The following SMARCAL1 variants were observed in gnomAD, a reference collection of about 807,000 sequenced individuals.
The protein encoded by SMARCAL1 is SNF2 related chromatin remodeling annealing helicase 1.
A neutral mutation model predicts 94.5 loss-of-function variants in SMARCAL1; 58 were observed. The observed-to-expected ratio is 0.61, with a 90% CI of 0.50 to 0.76. SMARCAL1 has a LOEUF of 0.76. Ranked by LOEUF, SMARCAL1 falls within the 30% of genes least tolerant of loss-of-function variation. SMARCAL1 has a pLI of 0.00. For missense variants in SMARCAL1, 1,051 were observed against 1,177.9 expected (o/e 0.89, Z 1.58); for synonymous variants, 422 against 455.1 (o/e 0.93, Z 0.93).
chr2:216,431,084 C>T (rs766022173), intron 7 of SMARCAL1, among the ~76,000 whole-genome samples: 9 of 152,368 alleles, frequency 5.9e-5, no homozygotes, highest in African/African-American at 1.2e-4. Context: ...GGCAGGCCCC[C>T]GCCCAGGCTG....
intron 14 of SMARCAL1, among the ~76,000 whole-genome samples, chr2:216,474,128 CTTTTTTTTTTTTT>C (rs1182416023): frequency 3.6e-3 from 231 of 64,934 alleles, no homozygotes; most frequent in African/African-American, 0.013. Context: ...GTATAGCATT[CTTTTTTTTTTTTT>C]TTTTTTTTTT....
Position 216,475,357 on chromosome 2 carries a change from C to G in SMARCAL1, c.2333C>G (p.Ala778Gly). 1 of 1,614,232 alleles carries G rather than the reference C, an allele frequency of 6.2e-7. No homozygotes were observed. The highest frequency in any genetic ancestry group is 1.7e-5 in the Admixed American group (1 of 60,028). ...CQQFQLSERH[A>G]VAVLSITAAN... ...CAGTTCCAACTGTCGGAGAGGCATG[C>G]TGTGGCCGTGCTGTCCATCACCGCT... Residue 778 changes from alanine (A) to glycine (G), a missense_variant, in exon 15 of 18, where the codon GCT becomes GGT. By Grantham distance (60) the Ala-to-Gly change is moderately conservative (BLOSUM62 0). Transcript: ENST00000357276. This position sits in a 1 kb window ranked among gnomAD's most constrained non-coding sequence, Gnocchi z 4.4.
Position 216,475,391 on chromosome 2 carries a change from G to C in SMARCAL1, c.2367G>C (p.Met789Ile). 6.2e-7 allele frequency: 1 copy of C among 1,614,198 alleles called. No individual in the cohort carries two copies. Among genetic ancestry groups the C allele is most frequent in the Non-Finnish European group, 8.5e-7 (1 of 1,180,038 alleles). ...VAVLSITAAN[M>I]GLTFSSADLV... ...TGCTGTCCATCACCGCTGCCAATAT[G>C]GGCCTCACCTTCTCCTCGGCTGACC... Residue 789 changes from methionine to isoleucine, a missense_variant, in exon 15 of 18, where the codon ATG becomes ATC. Physicochemically the swap from Met to Ile is conservative, Grantham distance 10 (BLOSUM62 1). Coordinates refer to ENST00000357276, the MANE Select transcript of SMARCAL1 (RefSeq NM_014140.4). The surrounding 1 kb of genome is among the most constrained non-coding windows in gnomAD (Gnocchi z 4.4).
At chr2:216,455,673 G>T (rs1291795088) in intron 12 of SMARCAL1, among the ~76,000 whole-genome samples, 2 of 152,180 alleles carry the variant, frequency 1.3e-5, no homozygotes, top group East Asian at 3.8e-4. Flanking sequence ...CAAACAGAAA[G>T]GACGTGCACA....
chr2:216,482,613 G>A lies in SMARCAL1; in HGVS notation c.2626-125G>A. 1 of 1,363,616 alleles carries A rather than the reference G, an allele frequency of 7.3e-7. No individual in the cohort carries two copies. The highest frequency in any genetic ancestry group is 1.0e-6 in the Non-Finnish European group (1 of 958,676). The allele number at this position is 1,363,616 out of a possible 1,614,324, so 84.5% of individuals were successfully genotyped here. On this transcript the variant is annotated intron_variant, in intron 17 of 17. Coordinates refer to ENST00000357276, the MANE Select transcript of SMARCAL1 (RefSeq NM_014140.4). The surrounding 1 kb of genome is among the most constrained non-coding windows in gnomAD (Gnocchi z 4.3). Reference sequence around the variant, plus strand: ...GATGATGCACACTTGCCATCGTGTAGCTCCCTGACACCATGAAATGTGTGG... The same window carrying A: ...GATGATGCACACTTGCCATCGTGTAACTCCCTGACACCATGAAATGTGTGG...
At chr2:216,466,765 T>G (rs1295660828) in intron 13 of SMARCAL1, among the ~76,000 whole-genome samples, 1 of 152,196 alleles carries the variant, frequency 6.6e-6, no homozygotes, top group Non-Finnish European at 1.5e-5. Flanking sequence ...GCCGTAAACT[T>G]TTTTGCTTAT....
chr2:216,450,805 A>G (rs1351772590), intron 11 of SMARCAL1, 41 bp from the exon 12 acceptor site: 1 of 1,551,738 alleles, frequency 6.4e-7, no homozygotes, highest in African/African-American at 1.4e-5. Context: ...ACTGGGCCTG[A>G]AAGGAGCCTC....
In SMARCAL1 at chr2:216,445,394, C is replaced by T. The variant is rs76733531; in HGVS notation, c.1711-1624C>T. 5.0e-4 allele frequency among the ~76,000 whole-genome samples: 76 copies of T among 152,246 alleles called. No homozygotes were observed. The East Asian group carries it at 8.3e-3, about 17-fold the overall frequency. ...GATGCCCACAAACACCCATTGGCAA[C>T]GCTCCCATCACTCTCTAGTCTAGGG... On this transcript the variant is annotated intron_variant, in intron 10 of 17. Coordinates refer to ENST00000357276, the MANE Select transcript of SMARCAL1 (RefSeq NM_014140.4).
intron 11 of SMARCAL1, among the ~76,000 whole-genome samples, chr2:216,450,057 C>T (rs1204292541): frequency 3.3e-5 from 5 of 152,136 alleles, no homozygotes; most frequent in Non-Finnish European, 7.3e-5. Flanking sequence ...AACTCCTGAC[C>T]TCAACTGGTC....
chr2:216,429,239 G>A (rs904505866), intron 7 of SMARCAL1, among the ~76,000 whole-genome samples: 1 of 152,208 alleles, frequency 6.6e-6, no homozygotes, highest in Non-Finnish European at 1.5e-5. Flanking sequence ...TTCTAATGGG[G>A]CTAACACTGC....
chr2:216,461,531 T>C (rs1055954185), intron 12 of SMARCAL1, among the ~76,000 whole-genome samples: 1 of 152,124 alleles, frequency 6.6e-6, no homozygotes, highest in Non-Finnish European at 1.5e-5. Flanking sequence ...AATATTCTCT[T>C]AAAACATAAT....
chr2:216,433,976 T>C (rs1694019292), intron 8 of SMARCAL1, among the ~76,000 whole-genome samples: 2 of 150,660 alleles, frequency 1.3e-5, no homozygotes, highest in South Asian at 2.1e-4. Flanking sequence ...GTCCTGGTGA[T>C]CTGAGTTCTT....
intron 5 of SMARCAL1, among the ~76,000 whole-genome samples, chr2:216,422,184 C>A (rs1007244671): frequency 2.0e-5 from 3 of 152,120 alleles, no homozygotes; most frequent in African/African-American, 7.2e-5. Flanking sequence ...GAGTTCGAGA[C>A]CAGCCTGGCC....
intron 9 of SMARCAL1, 138 bp from the exon 10 acceptor site, chr2:216,438,282 G>A (rs1228541722): frequency 6.7e-6 from 5 of 750,890 alleles, no homozygotes; most frequent in Non-Finnish European, 9.4e-6. Flanking sequence ...TAGGCCCAGT[G>A]AGCCATCTCC....
chr2:216,413,366 A>G (rs1032640851), intron 1 of SMARCAL1, among the ~76,000 whole-genome samples: 7 of 152,238 alleles, frequency 4.6e-5, no homozygotes, highest in Non-Finnish European at 1.0e-4. Context: ...AAAATATTGT[A>G]AACATGTCTC....
chr2:216,477,053 G>A (rs1334390369), intron 15 of SMARCAL1, 56 bp from the exon 16 acceptor site: 1 of 1,395,206 alleles, frequency 7.2e-7, no homozygotes, highest in Non-Finnish European at 9.9e-7. Flanking sequence ...TACCTGCTAT[G>A]GTGGATGGAA....
Position 216,438,595 on chromosome 2 carries a change from C to T in SMARCAL1, c.1710+110C>T, listed in dbSNP as rs1694129930. 5.6e-6 allele frequency: 5 copies of T among 894,586 alleles called. No individual in the cohort carries two copies. In the South Asian group the frequency reaches 7.0e-5, roughly 13 times the overall value. The allele number at this position is 894,586 out of a possible 1,614,324, so 55.4% of individuals were successfully genotyped here. A position where few individuals can be genotyped will look rare whatever the true frequency, so the allele number is the denominator to read the frequency against. On this transcript the variant is annotated intron_variant, in intron 10 of 17. Transcript: ENST00000357276. ...GGGGTTGCAAGTATAGACCTGTGGG[C>T]CATGGTCATGACTTGGCATTGACTT... is the stretch of plus-strand genomic sequence containing the variant.
At chr2:216,425,623 G>A (rs183619189) in intron 6 of SMARCAL1, among the ~76,000 whole-genome samples, 23 of 152,260 alleles carry the variant, frequency 1.5e-4, no homozygotes, top group Admixed American at 2.6e-4. Flanking sequence ...CTTGTCCTGC[G>A]TCCAAGAAGA....
At chr2:216,461,238 A>T (rs1271980601) in intron 12 of SMARCAL1, among the ~76,000 whole-genome samples, 1 of 152,106 alleles carries the variant, frequency 6.6e-6, no homozygotes, top group Non-Finnish European at 1.5e-5. Context: ...TATACTTTTT[A>T]AAAGTACAAA....
Sources: allele counts gnomAD v4.1 joint callset (sites outside exome capture counted in the v4.1 genomes callset), GRCh38; gene constraint gnomAD v4.1.1; non-coding constraint Gnocchi (gnomAD v3.1); transcripts MANE v1.5; gene names NCBI Gene and HGNC (gene_info 2026-07-23, HGNC 2026-07-21).